SLC25A16: variants seen among roughly 807,000 people sequenced by gnomAD.
The protein encoded by SLC25A16 is mitochondrial coenzyme A transporter SLC25A16.
A neutral mutation model predicts 41.5 loss-of-function variants in SLC25A16; 39 were observed. That is an observed-to-expected ratio of 0.94 (90% CI 0.73 to 1.23). The LOEUF (loss-of-function observed/expected upper bound fraction) is 1.23, where lower values mean the gene tolerates loss of function less well. SLC25A16 is among the 50% of genes most tolerant of loss of function. The probability of loss-of-function intolerance (pLI) is 0.00; values close to 1 mark genes in which losing one functional copy is unlikely to be tolerated. For missense variants in SLC25A16, 421 were observed against 426.9 expected (o/e 0.99, Z 0.12); for synonymous variants, 146 against 147.8 (o/e 0.99, Z 0.09).
chr10:68,493,055 T>C (rs1590098844), intron 6 of SLC25A16, 77 bp downstream of exon 6: 2 of 804,288 alleles, frequency 2.5e-6, no homozygotes, highest in East Asian at 2.5e-5. Flanking sequence ...CTTTTTATAT[T>C]ACCATTTCAG....
chr10:68,509,692 G>A (rs1356688003), intron 2 of SLC25A16, among the ~76,000 whole-genome samples: 4 of 140,392 alleles, frequency 2.8e-5, no homozygotes, highest in Non-Finnish European at 6.0e-5. Flanking sequence ...GACAGAATAA[G>A]ACCATGTCTC....
chr10:68,515,897 A>C (rs1449157050), intron 2 of SLC25A16, among the ~76,000 whole-genome samples: 1 of 152,204 alleles, frequency 6.6e-6, no homozygotes, highest in African/African-American at 2.4e-5. Flanking sequence ...TAAACATGTA[A>C]TATTTGCTTC....
intron 4 of SLC25A16, chr10:68,499,649 C>T: frequency 2.8e-6 from 1 of 355,590 alleles, no homozygotes; most frequent in South Asian, 2.9e-5. Context: ...AGAGCTGAGA[C>T]AGAAATACAA....
rs892489122 is a variant in SLC25A16, at chr10:68,527,362, G to T, written c.14C>A (p.Thr5Lys). The change falls in exon 1 of 9, where the codon ACG becomes AAG. Residue 5 changes from threonine to lysine, a missense_variant. Coordinates refer to ENST00000609923, the MANE Select transcript of SLC25A16 (RefSeq NM_152707.4). ...GGCCGCCGCCAGGGCTGCCGCGGCCGTCGCCGCCGCCATCAGGACCAGGGT... is the reference window on the plus strand; with the variant it reads ...GGCCGCCGCCAGGGCTGCCGCGGCCTTCGCCGCCGCCATCAGGACCAGGGT... MAAATAAAALAAADP... is the reference protein window; with the variant it reads MAAAKAAAALAAADP... 2.0e-6 allele frequency: 3 copies of T among 1,501,796 alleles called. No homozygotes were observed. The highest frequency in any genetic ancestry group is 2.7e-6 in the Non-Finnish European group (3 of 1,130,646). The allele number at this position is 1,501,796 out of a possible 1,614,324, so 93.0% of individuals were successfully genotyped here.
At chr10:68,505,558 G>C (rs956013893) in intron 3 of SLC25A16, among the ~76,000 whole-genome samples, 2 of 139,122 alleles carry the variant, frequency 1.4e-5, no homozygotes, top group African/African-American at 5.6e-5. Context: ...CAGATCACCT[G>C]AATCAGGAGT....
In SLC25A16 at chr10:68,503,684, CGTA is replaced by C. The variant is rs1564919274; in HGVS notation, c.366_368del (p.Thr123del). The C allele has an allele frequency of 6.2e-7, 1 of 1,601,150 alleles. No homozygotes were observed. The highest frequency in any genetic ancestry group is 8.5e-7 in the Non-Finnish European group (1 of 1,170,286). On this transcript the variant is annotated inframe_deletion, in exon 4 of 9. Coordinates refer to ENST00000609923, the MANE Select transcript of SLC25A16 (RefSeq NM_152707.4). ...GCACATGACCTGAAATTCCCAGCTT[CGTA>C]GTAATTAACTAGAAAACAAGAACAC...
At chr10:68,512,524 A>G (rs1351345605) in intron 2 of SLC25A16, among the ~76,000 whole-genome samples, 1 of 125,240 alleles carries the variant, frequency 8.0e-6, no homozygotes, top group Admixed American at 8.5e-5. Context: ...CTGTAGTCCC[A>G]GCTACTTGGG....
At chr10:68,515,938 T>C (rs2053154927) in intron 2 of SLC25A16, among the ~76,000 whole-genome samples, 1 of 152,070 alleles carries the variant, frequency 6.6e-6, no homozygotes, top group Non-Finnish European at 1.5e-5. Flanking sequence ...TAGGAAAATA[T>C]CAGCATCCTA....
intron 7 of SLC25A16, among the ~76,000 whole-genome samples, 176 bp downstream of exon 7, chr10:68,488,291 T>C (rs1044418957): frequency 6.6e-6 from 1 of 152,152 alleles, no homozygotes; most frequent in African/African-American, 2.4e-5. Context: ...CATGTAATTA[T>C]TTATAATATG....
rs142972256 is a variant in SLC25A16 at position 68,483,358 on chromosome 10, T to A, written c.*74A>T. The A allele has an allele frequency of 1.7e-5, 16 of 957,420 alleles. No homozygotes were observed. In the African/African-American group the frequency reaches 2.3e-4, roughly 14 times the overall value. The allele number at this position is 957,420 out of a possible 1,614,324, so 59.3% of individuals were successfully genotyped here. Reference sequence around the variant, plus strand: ...GTAAATATCCCCATTCAAGTAATGTTCCCCCCACAATTATAGTAATGTTTC... The same window carrying A: ...GTAAATATCCCCATTCAAGTAATGTACCCCCCACAATTATAGTAATGTTTC... On this transcript the variant is annotated 3_prime_UTR_variant, in exon 9 of 9. Transcript: ENST00000609923.
In SLC25A16 at chr10:68,478,093, T is replaced by A. The variant is rs1174184412; in HGVS notation, c.*5339A>T. 1.3e-5 allele frequency: 2 copies of A among 152,172 alleles called. No individual in the cohort carries two copies. The highest frequency in any genetic ancestry group is 2.9e-5 in the Non-Finnish European group (2 of 68,032). The allele number at this position is 152,172 out of a possible 1,614,324, so 9.4% of individuals were successfully genotyped here. A position where few individuals can be genotyped will look rare whatever the true frequency, so the allele number is the denominator to read the frequency against. On this transcript the variant is annotated 3_prime_UTR_variant, in exon 9 of 9. Coordinates refer to ENST00000609923, the MANE Select transcript of SLC25A16 (RefSeq NM_152707.4). The stretch of plus-strand genomic sequence containing the variant: ...TGTATTACTGTATTAAAGTATAGCA[T>A]CATAGCTAAAAGAATAGGCTCTAGA...
At chr10:68,484,383 C>G (rs1381227856) in intron 8 of SLC25A16, among the ~76,000 whole-genome samples, 1 of 151,444 alleles carries the variant, frequency 6.6e-6, no homozygotes, top group East Asian at 1.9e-4. Flanking sequence ...CTTGGGCTTT[C>G]CCTTTCAATA....
intron 1 of SLC25A16, among the ~76,000 whole-genome samples, chr10:68,519,975 CTTTT>C (rs368687197): frequency 9.8e-6 from 1 of 101,902 alleles, no homozygotes. Flanking sequence ...ATAATAGTAT[CTTTT>C]TTTTTTTTTT....
At chr10:68,517,312 G>T in intron 1 of SLC25A16, 1 of 918,406 alleles carries the variant, frequency 1.1e-6, no homozygotes, top group Non-Finnish European at 1.3e-6. Flanking sequence ...CATAAAATTA[G>T]TCATCCATTT....
chr10:68,503,538 C>A, intron 4 of SLC25A16, 94 bp downstream of exon 4: 1 of 759,890 alleles, frequency 1.3e-6, no homozygotes, highest in Non-Finnish European at 2.1e-6. Flanking sequence ...GCAACCTGTG[C>A]TTTCCCCAAT....
At position 68,478,343 on chromosome 10, in the gene SLC25A16, C is replaced by A. The variant is rs536912293; in HGVS notation, c.*5089G>T. Reference sequence around the variant, plus strand: ...TATATGTAATTGTTATTATTTATCACCAGTTTCTAGTGCCCAATACTAGAA... The same window carrying A: ...TATATGTAATTGTTATTATTTATCAACAGTTTCTAGTGCCCAATACTAGAA... On this transcript the variant is annotated 3_prime_UTR_variant, in exon 9 of 9. Coordinates refer to ENST00000609923, the MANE Select transcript of SLC25A16 (RefSeq NM_152707.4). The A allele has an allele frequency of 4.6e-5, 7 of 152,268 alleles. No homozygotes were observed. The highest frequency in any genetic ancestry group is 3.4e-3 in the Middle Eastern group (1 of 294). 9.4% of individuals were successfully genotyped at this position (152,268 alleles called of 1,614,324 possible). A position where few individuals can be genotyped will look rare whatever the true frequency, so the allele number is the denominator to read the frequency against.
chr10:68,519,748 C>CTT (rs1280994710), intron 1 of SLC25A16, among the ~76,000 whole-genome samples: 1 of 151,272 alleles, frequency 6.6e-6, no homozygotes, highest in Non-Finnish European at 1.5e-5. Flanking sequence ...AACCCCATCT[C>CTT]TTCTAAAAAT....
At position 68,488,457 on chromosome 10, in the gene SLC25A16, AG is replaced by A; in HGVS notation, c.773+9del. On this transcript the variant is annotated intron_variant, in intron 7 of 8. Transcript: ENST00000609923. The stretch of plus-strand genomic sequence containing the variant: ...TAATTTGATTAAATTAAGTTAGTGA[AG>A]AAACTTACGATATTGTCTGCGCTAT... 1 of 1,481,772 alleles carries A rather than the reference AG, an allele frequency of 6.7e-7. No homozygotes were observed. Among genetic ancestry groups the A allele is most frequent in the Non-Finnish European group, 8.9e-7 (1 of 1,117,408 alleles). 91.8% of individuals were successfully genotyped at this position (1,481,772 alleles called of 1,614,324 possible).
At chr10:68,523,731 T>G (rs1341385019) in intron 1 of SLC25A16, among the ~76,000 whole-genome samples, 1 of 152,072 alleles carries the variant, frequency 6.6e-6, no homozygotes, top group Non-Finnish European at 1.5e-5. Context: ...CACCTGAGCC[T>G]CCTGAAGTGC....
Sources: gnomAD v4.1 joint callset for allele counts (sites outside exome capture counted in the v4.1 genomes callset) on GRCh38, gnomAD v4.1.1 for gene constraint, MANE v1.5 for transcripts, NCBI Gene and HGNC (gene_info 2026-07-23, HGNC 2026-07-21) for gene names.